UBAC1: variants seen among roughly 807,000 people sequenced by gnomAD.
UBAC1 encodes the protein UBA domain containing 1.
A neutral mutation model predicts 45.9 loss-of-function variants in UBAC1; 27 were observed. The observed-to-expected ratio is 0.59, with a 90% confidence interval of 0.43 to 0.81. The LOEUF is 0.81. UBAC1 is among the 30% of genes least tolerant of loss of function. The pLI, the probability that UBAC1 is intolerant of heterozygous loss-of-function variation, is 0.00. For missense variants in UBAC1, 529 were observed against 539.2 expected (o/e 0.98, Z 0.19); for synonymous variants, 227 against 215.5 (o/e 1.05, Z -0.47).
At chr9:135,950,700 A>C (rs947030063) in intron 3 of UBAC1, among the ~76,000 whole-genome samples, 1 of 152,236 alleles carries the variant, frequency 6.6e-6, no homozygotes, top group African/African-American at 2.4e-5. Flanking sequence ...TAGCCTCTTC[A>C]TTAAGAAGTC....
chr9:135,938,476 AG>A, intron 8 of UBAC1, 116 bp from the exon 9 acceptor site: 1 of 1,331,626 alleles, frequency 7.5e-7, no homozygotes, highest in Non-Finnish European at 1.0e-6. Context: ...TTGAGCCCCC[AG>A]GGCTGATCTC....
At position 135,943,809 on chromosome 9, in the gene UBAC1, C is replaced by T. The variant is rs533014693; in HGVS notation, c.876+1219G>A. 2.0e-4 allele frequency among the ~76,000 whole-genome samples: 31 copies of T among 152,278 alleles called. 1 individual carries two copies. In the South Asian group the frequency reaches 5.8e-3, roughly 29 times the overall value. ...GCAGCCATAAAAAGGAACGAGATCA[C>T]GTCCTTTGCAGGGTCATGGATGAAG... On this transcript the variant is annotated intron_variant, in intron 7 of 9. Coordinates refer to ENST00000371756, the MANE Select transcript of UBAC1 (RefSeq NM_016172.3).
chr9:135,953,651 G>C, intron 3 of UBAC1, 29 bp downstream of exon 3: 2 of 1,592,286 alleles, frequency 1.3e-6, no homozygotes, highest in Non-Finnish European at 1.7e-6. Flanking sequence ...TACCAACCAA[G>C]GTCCCCAATT....
intron 3 of UBAC1, among the ~76,000 whole-genome samples, chr9:135,948,568 G>C (rs544801357): frequency 6.6e-6 from 1 of 152,352 alleles, no homozygotes; most frequent in Non-Finnish European, 1.5e-5. Flanking sequence ...CAGTCCTGCC[G>C]GCAACTCCCA....
chr9:135,950,594 C>T (rs987491026), intron 3 of UBAC1, among the ~76,000 whole-genome samples: 1 of 152,190 alleles, frequency 6.6e-6, no homozygotes, highest in Non-Finnish European at 1.5e-5. Context: ...ATTTTGCTCA[C>T]AGCTGAAAAC....
chr9:135,938,822 G>GA (rs1272274693), intron 8 of UBAC1, among the ~76,000 whole-genome samples: 1 of 150,536 alleles, frequency 6.6e-6, no homozygotes, highest in Non-Finnish European at 1.5e-5. Context: ...GTGGGGGGGG[G>GA]ATGTGGGCCA....
At position 135,961,188 on chromosome 9, in the gene UBAC1, C is replaced by T; in HGVS notation, c.-26G>A. On this transcript the variant is annotated 5_prime_UTR_variant, in exon 1 of 10. Transcript: ENST00000371756. Reference sequence around the variant, plus strand: ...CCCGCCGCCGCCGCAGGGGCCTGCGCCCGCCACCCGGGCCCCTGAAGGTCA... The same window carrying T: ...CCCGCCGCCGCCGCAGGGGCCTGCGTCCGCCACCCGGGCCCCTGAAGGTCA... 6.7e-7 allele frequency: 1 copy of T among 1,501,810 alleles called. No individual in the cohort carries two copies. The highest frequency in any genetic ancestry group is 8.8e-7 in the Non-Finnish European group (1 of 1,132,818). The allele number at this position is 1,501,810 out of a possible 1,614,324, so 93.0% of individuals were successfully genotyped here. A position where few individuals can be genotyped will look rare whatever the true frequency, so the allele number is the denominator to read the frequency against.
chr9:135,959,674 A>G (rs368257809), intron 1 of UBAC1, among the ~76,000 whole-genome samples: 3 of 152,222 alleles, frequency 2.0e-5, no homozygotes, highest in South Asian at 4.1e-4. Flanking sequence ...TGCCCGGCCC[A>G]GAGAAGTTTT....
chr9:135,956,406 T>C (rs1839466420), intron 1 of UBAC1, among the ~76,000 whole-genome samples: 1 of 152,206 alleles, frequency 6.6e-6, no homozygotes, highest in Admixed American at 6.5e-5. Flanking sequence ...TGCTTTCCTT[T>C]GAACACGGGG....
At position 135,961,279 on chromosome 9, in the gene UBAC1, C is replaced by G; in HGVS notation, c.-117G>C. ...GCGCGCTCCTTCGCTGGGCCGCCGCCCCGCCCCGGCTCCCGTCGGCCGGGC... is the reference window on the plus strand; with the variant it reads ...GCGCGCTCCTTCGCTGGGCCGCCGCGCCGCCCCGGCTCCCGTCGGCCGGGC... On this transcript the variant is annotated 5_prime_UTR_variant, in exon 1 of 10. Transcript: ENST00000371756. 1 of 928,548 alleles carries G rather than the reference C, an allele frequency of 1.1e-6. No homozygotes were observed. Among genetic ancestry groups the G allele is most frequent in the Non-Finnish European group, 1.3e-6 (1 of 748,130 alleles). 57.5% of individuals were successfully genotyped at this position (928,548 alleles called of 1,614,324 possible).
intron 1 of UBAC1, among the ~76,000 whole-genome samples, chr9:135,956,753 C>T (rs1165558513): frequency 6.6e-6 from 1 of 152,234 alleles, no homozygotes; most frequent in African/African-American, 2.4e-5. Context: ...GGCCTGAAAA[C>T]CCTTCAGAAC....
At chr9:135,946,194 G>A in intron 5 of UBAC1, 75 bp downstream of exon 5, 1 of 1,168,158 alleles carries the variant, frequency 8.6e-7, no homozygotes, top group Non-Finnish European at 1.3e-6. Context: ...TCAGTGGTCA[G>A]TGCGTGGAGC....
chr9:135,942,476 C>A (rs902399302), intron 7 of UBAC1, among the ~76,000 whole-genome samples: 1 of 152,004 alleles, frequency 6.6e-6, no homozygotes, highest in Non-Finnish European at 1.5e-5. Context: ...ACAGGGAGAT[C>A]CCTATCTGTA....
intron 7 of UBAC1, among the ~76,000 whole-genome samples, chr9:135,943,437 T>G (rs1839291658): frequency 6.6e-6 from 1 of 152,108 alleles, no homozygotes; most frequent in South Asian, 2.1e-4. Flanking sequence ...GAATGATGAT[T>G]ATTAAAAAGT....
chr9:135,935,049 TTTTG>T (rs1352938357), intron 9 of UBAC1, among the ~76,000 whole-genome samples: 4 of 152,062 alleles, frequency 2.6e-5, no homozygotes, highest in Non-Finnish European at 4.4e-5. Flanking sequence ...TCCTGGCTGA[TTTTG>T]TTTTTTTGTT....
intron 3 of UBAC1, among the ~76,000 whole-genome samples, chr9:135,949,085 A>G (rs1296184403): frequency 6.6e-6 from 1 of 151,866 alleles, no homozygotes; most frequent in Non-Finnish European, 1.5e-5. Flanking sequence ...GGAACAACAG[A>G]AAGCAGCACA....
intron 3 of UBAC1, among the ~76,000 whole-genome samples, chr9:135,952,007 G>A (rs1839411499): frequency 6.6e-6 from 1 of 152,232 alleles, no homozygotes; most frequent in Admixed American, 6.5e-5. Flanking sequence ...TTACGGGCCT[G>A]TAAGTCTGAA....
chr9:135,933,329 G>A lies in UBAC1; in HGVS notation c.*71C>T. 7.6e-7 allele frequency: 1 copy of A among 1,309,582 alleles called. No individual in the cohort carries two copies. Among genetic ancestry groups the A allele is most frequent in the Non-Finnish European group, 1.1e-6 (1 of 906,516 alleles). 81.1% of individuals were successfully genotyped at this position (1,309,582 alleles called of 1,614,324 possible). On this transcript the variant is annotated 3_prime_UTR_variant, in exon 10 of 10. Coordinates refer to ENST00000371756, the MANE Select transcript of UBAC1 (RefSeq NM_016172.3). ...CGCTGAAGGTGAGTTTCCAGGTGAG[G>A]TCCACTCTGCCCGGTCTCGGGCCGC...
At chr9:135,953,616 C>T (rs942108953) in intron 3 of UBAC1, 64 bp downstream of exon 3, 4 of 1,476,018 alleles carry the variant, frequency 2.7e-6, no homozygotes, top group Non-Finnish European at 2.8e-6. Context: ...CTGTACCCAG[C>T]CTGTAATTCT....
Sources: gnomAD v4.1 joint callset for allele counts (sites outside exome capture counted in the v4.1 genomes callset) on GRCh38, gnomAD v4.1.1 for gene constraint, MANE v1.5 for transcripts, NCBI Gene and HGNC (gene_info 2026-07-23, HGNC 2026-07-21) for gene names.